Variants in OPN5 observed in about 807,000 individuals in gnomAD.
OPN5 encodes opsin-5.
A neutral mutation model predicts 41.7 loss-of-function variants in OPN5; 18 were observed. The observed-to-expected ratio is 0.43, with a 90% CI of 0.30 to 0.64. OPN5 has a LOEUF of 0.64. Ranked by LOEUF, OPN5 falls within the 30% of genes least tolerant of loss-of-function variation. OPN5 has a pLI of 0.13. For synonymous variants in OPN5, 178 were observed against 164.3 expected, an observed-to-expected ratio of 1.08 and a Z score of -0.64; for missense variants, 318 against 434.5, an observed-to-expected ratio of 0.73 and a Z score of 2.38.
At chr6:47,799,523 T>C (rs955645992) in intron 4 of OPN5, among the ~76,000 whole-genome samples, 1 of 152,200 alleles carries the variant, frequency 6.6e-6, no homozygotes, top group East Asian at 1.9e-4. Flanking sequence ...GTCTTAGTTA[T>C]AGTTTTCATG....
At chr6:47,791,592 ACTGAAAGT>A (rs754186624) in intron 2 of OPN5, among the ~76,000 whole-genome samples, 66 of 152,310 alleles carry the variant, frequency 4.3e-4, no homozygotes, top group Non-Finnish European at 7.5e-4. Flanking sequence ...TATTGGGATG[ACTGAAAGT>A]CCTCTCTGGG....
intron 3 of OPN5, chr6:47,793,829 T>C: frequency 1.1e-6 from 1 of 931,176 alleles, no homozygotes; most frequent in Non-Finnish European, 1.3e-6. Flanking sequence ...CGTATGCCTA[T>C]GCACATTCCC....
chr6:47,812,820 C>T (rs1762292305), intron 6 of OPN5, among the ~76,000 whole-genome samples: 1 of 152,078 alleles, frequency 6.6e-6, no homozygotes, highest in Non-Finnish European at 1.5e-5. Context: ...TGGTAACTGC[C>T]AGCAAGAACA....
intron 4 of OPN5, among the ~76,000 whole-genome samples, chr6:47,805,464 A>C (rs1307186949): frequency 6.6e-6 from 1 of 152,036 alleles, no homozygotes; most frequent in Non-Finnish European, 1.5e-5. Flanking sequence ...TAATGTTCAG[A>C]GATGAGTTCT....
At chr6:47,816,410 G>A (rs1762431104) in intron 6 of OPN5, among the ~76,000 whole-genome samples, 1 of 152,122 alleles carries the variant, frequency 6.6e-6, no homozygotes, top group Non-Finnish European at 1.5e-5. Context: ...AGAGAAATAT[G>A]GGGCTTTTGC....
At chr6:47,788,820 G>A (rs1773278054) in intron 2 of OPN5, among the ~76,000 whole-genome samples, 1 of 149,628 alleles carries the variant, frequency 6.7e-6, no homozygotes, top group South Asian at 2.1e-4. Flanking sequence ...GGGGGCGGTG[G>A]TGGTGTTAAA....
chr6:47,815,391 G>A (rs1762399584), intron 6 of OPN5, among the ~76,000 whole-genome samples: 1 of 152,058 alleles, frequency 6.6e-6, no homozygotes, highest in Non-Finnish European at 1.5e-5. Context: ...AGGGAGAAAA[G>A]ACAAAGGAAA....
At position 47,807,353 on chromosome 6, in the gene OPN5, T is replaced by C. The variant is rs115750149; in HGVS notation, c.757-801T>C. Among the ~76,000 whole-genome samples, 601 of 152,216 alleles carry C rather than the reference T, an allele frequency of 3.9e-3. 6 individuals are homozygous for C. Among genetic ancestry groups the C allele is most frequent in the African/African-American group, 0.013 (539 of 41,524 alleles). ...AAAGCACTTGCTAAAAAGAGTTTGT[T>C]GAATTGAAGTGAGATGATGCATAGG... On this transcript the variant is annotated intron_variant, in intron 4 of 6. Coordinates refer to ENST00000371211, the Ensembl canonical transcript of OPN5.
chr6:47,820,257 A>G (rs1762578864), intron 6 of OPN5, among the ~76,000 whole-genome samples: 1 of 152,122 alleles, frequency 6.6e-6, no homozygotes, highest in Non-Finnish European at 1.5e-5. Context: ...ACTTGTTTTA[A>G]CAGCCTTAGG....
chr6:47,787,623 T>C (rs1773231407), intron 2 of OPN5, among the ~76,000 whole-genome samples: 1 of 152,148 alleles, frequency 6.6e-6, no homozygotes, highest in Admixed American at 6.6e-5. Flanking sequence ...ATTTCGTGTC[T>C]GGGCACAGTG....
At chr6:47,806,974 A>G (rs1360173276) in intron 4 of OPN5, among the ~76,000 whole-genome samples, 2 of 152,178 alleles carry the variant, frequency 1.3e-5, no homozygotes. Flanking sequence ...CCTGGCCAAC[A>G]TGGTGAAACC....
At chr6:47,822,783 GT>G (rs1378727824) in intron 6 of OPN5, among the ~76,000 whole-genome samples, 1 of 152,114 alleles carries the variant, frequency 6.6e-6, no homozygotes, top group African/African-American at 2.4e-5. Flanking sequence ...ATCATTACAG[GT>G]TTTTTTATAC....
In OPN5 at chr6:47,799,216, A is replaced by G. The variant is rs527335762; in HGVS notation, c.756+3653A>G. Among the ~76,000 whole-genome samples, 27 of 150,676 alleles carry G rather than the reference A, an allele frequency of 1.8e-4. No individual in the cohort carries two copies. In the South Asian group the frequency reaches 4.0e-3, roughly 22 times the overall value. ...GTGATGTATATATATATATATATAT[A>G]TACACACACACACACATGATATACA... On this transcript the variant is annotated intron_variant, in intron 4 of 6. Coordinates refer to ENST00000371211, the Ensembl canonical transcript of OPN5.
chr6:47,791,678 C>A, intron 2 of OPN5, 124 bp from the exon 3 acceptor site: 1 of 707,448 alleles, frequency 1.4e-6, no homozygotes, highest in Non-Finnish European at 2.4e-6. Context: ...TCTGTGTAAT[C>A]AAGGGTGTGT....
chr6:47,824,061 C>A (rs1269749762), exon 7 of OPN5: 18 of 1,272,390 alleles, frequency 1.4e-5, no homozygotes, highest in Non-Finnish European at 2.0e-5. Context: ...GAGAAATTAG[C>A]TTACAAATGT....
intron 2 of OPN5, among the ~76,000 whole-genome samples, chr6:47,788,330 T>C (rs1298729680): frequency 6.6e-6 from 1 of 152,176 alleles, no homozygotes; most frequent in Admixed American, 6.5e-5. Context: ...GAATGAAACA[T>C]GTCATTCCAG....
At chr6:47,817,785 G>A (rs1762475609) in intron 6 of OPN5, among the ~76,000 whole-genome samples, 1 of 152,174 alleles carries the variant, frequency 6.6e-6, no homozygotes. Context: ...TAAGAGCAAG[G>A]ACTTGGAGTC....
intron 6 of OPN5, among the ~76,000 whole-genome samples, chr6:47,822,472 T>C (rs1259090287): frequency 6.6e-6 from 1 of 152,228 alleles, no homozygotes; most frequent in Non-Finnish European, 1.5e-5. Context: ...TGTCCTAGAT[T>C]AATTCAGATT....
intron 1 of OPN5, among the ~76,000 whole-genome samples, chr6:47,784,406 T>C (rs6920144): frequency 0.82 from 124,479 of 152,042 alleles, 51,126 homozygotes; most frequent in East Asian, 0.93. Context: ...AAGCAATTCT[T>C]GTGCCTCAAC....
Sources: allele counts gnomAD v4.1 joint callset (sites outside exome capture counted in the v4.1 genomes callset), GRCh38; gene constraint gnomAD v4.1.1; transcripts MANE v1.5; gene names NCBI Gene and HGNC (gene_info 2026-07-23, HGNC 2026-07-21).